The following APOL3 variants were observed in gnomAD, a reference collection of about 807,000 sequenced individuals.
APOL3 encodes the protein apolipoprotein L3.
Under a neutral mutation model 11.6 loss-of-function variants are expected in APOL3, and 14 were observed. That is an observed-to-expected ratio of 1.21 (90% CI 0.80 to 1.89). The LOEUF is 1.89. APOL3 is among the 40% of genes most tolerant of loss of function. The pLI, the probability that APOL3 is intolerant of heterozygous loss-of-function variation, is 0.00. For synonymous variants in APOL3, 192 were observed against 190.6 expected, an observed-to-expected ratio of 1.01 and a Z score of -0.06; for missense variants, 483 against 492.1, an observed-to-expected ratio of 0.98 and a Z score of 0.17.
chr22:36,162,454 T>C (rs553955608), upstream of APOL3, among the ~76,000 whole-genome samples: 4 of 152,308 alleles, frequency 2.6e-5, no homozygotes, highest in South Asian at 4.2e-4. Context: ...CTGTGAAAAT[T>C]ATGGGTAAAA....
At chr22:36,165,051 T>C (rs1004375816), upstream of APOL3, 6 of 152,242 alleles carry the variant, frequency 3.9e-5, no homozygotes, top group East Asian at 7.7e-4. Flanking sequence ...TAAACGGGGA[T>C]TTGGCCCTAG....
At chr22:36,140,654 T>A (rs796505948) in exon 3 of APOL3, 11 of 155,164 alleles carry the variant, frequency 7.1e-5, no homozygotes, top group African/African-American at 2.6e-4. Flanking sequence ...ACCGCCATCA[T>A]CAAGAAGCCA....
At chr22:36,161,009 T>C, upstream of APOL3, 2 of 898,256 alleles carry the variant, frequency 2.2e-6, no homozygotes, top group Non-Finnish European at 3.4e-6. Context: ...TGCTGTGTCT[T>C]CAGGAAGAAA....
At chr22:36,150,670 A>G (rs1481471063) in intron 1 of APOL3, among the ~76,000 whole-genome samples, 1 of 152,210 alleles carries the variant, frequency 6.6e-6, no homozygotes, top group Non-Finnish European at 1.5e-5. Flanking sequence ...GGAGATCAAG[A>G]CCATGCTGGC....
intron 1 of APOL3, chr22:36,156,858 C>T (rs986031267): frequency 2.0e-5 from 9 of 440,970 alleles, no homozygotes; most frequent in Admixed American, 1.4e-4. Context: ...GTGGCCTCTG[C>T]CCTCCGTGGC....
chr22:36,141,896 A>C, exon 3 of APOL3: 2 of 1,614,234 alleles, frequency 1.2e-6, no homozygotes, highest in Non-Finnish European at 1.7e-6. Context: ...TTGCAAGGGC[A>C]CGAAGCTTTT....
chr22:36,147,270 G>A (rs561466086), intron 1 of APOL3, among the ~76,000 whole-genome samples: 1 of 152,298 alleles, frequency 6.6e-6, no homozygotes, highest in South Asian at 2.1e-4. Flanking sequence ...ATGGGCAGTG[G>A]AGGGGGTTCT....
chr22:36,159,680 C>T (rs1348993103), intron 1 of APOL3: 1 of 152,176 alleles, frequency 6.6e-6, no homozygotes, highest in African/African-American at 2.4e-5. Context: ...CACCCAGAGG[C>T]CTGAAAAGGA....
chr22:36,143,285 A>C (rs2146740480), intron 2 of APOL3, among the ~76,000 whole-genome samples: 1 of 152,334 alleles, frequency 6.6e-6, no homozygotes, highest in East Asian at 1.9e-4. Flanking sequence ...GAAGCTTCAC[A>C]CCTGAAACCC....
chr22:36,149,447 C>T, intron 1 of APOL3: 1 of 1,238,486 alleles, frequency 8.1e-7, no homozygotes, highest in Non-Finnish European at 1.1e-6. Context: ...AGAGTCTATA[C>T]ACCGAAATAG....
At chr22:36,142,874 G>A (rs2146735732) in intron 2 of APOL3, among the ~76,000 whole-genome samples, 1 of 152,338 alleles carries the variant, frequency 6.6e-6, no homozygotes, top group South Asian at 2.1e-4. Flanking sequence ...TACTGCCCCA[G>A]TTCAGCAAGA....
At chr22:36,149,778 T>C (rs132644) in intron 1 of APOL3, 359,728 of 453,994 alleles carry the variant, frequency 0.79, 148,809 homozygotes, top group East Asian at 0.99. Context: ...TACATGCTTA[T>C]TGTAAATGAC....
intron 2 of APOL3, among the ~76,000 whole-genome samples, chr22:36,144,116 T>C (rs1441720266): frequency 6.6e-6 from 1 of 152,142 alleles, no homozygotes; most frequent in Non-Finnish European, 1.5e-5. Context: ...CAGTCACCCA[T>C]GGCCCACTAT....
At chr22:36,146,448 T>C (rs1476424066) in intron 1 of APOL3, 4 of 152,148 alleles carry the variant, frequency 2.6e-5, no homozygotes, top group Non-Finnish European at 5.9e-5. Flanking sequence ...AAATAGTTCA[T>C]TTTGTCAAGA....
intron 2 of APOL3, among the ~76,000 whole-genome samples, chr22:36,142,474 T>C (rs1310557719): frequency 6.6e-6 from 1 of 152,146 alleles, no homozygotes; most frequent in Non-Finnish European, 1.5e-5. Flanking sequence ...TTAACTTTAT[T>C]AGAAGAGAGG....
intron 2 of APOL3, among the ~76,000 whole-genome samples, chr22:36,142,977 T>C (rs2060056390): frequency 6.6e-6 from 1 of 152,168 alleles, no homozygotes; most frequent in African/African-American, 2.4e-5. Context: ...TTACCTGCCT[T>C]TAGTTGAGCA....
rs1453603644 is a variant in APOL3 at position 36,141,950 on chromosome 22, C to T, written c.459G>A (p.Leu153=). Residue 153 remains leucine (L), a synonymous_variant, in exon 3 of 3, where the codon TTG becomes TTA. Coordinates refer to ENST00000349314, the Ensembl canonical transcript of APOL3. ...TCCTCTTGACTTGGGGAAACTCTTT[C>T]AAAAACCATTCCCTAAACTGCTCAT... is the stretch of plus-strand genomic sequence containing the variant. 3 of 1,614,096 alleles carry T rather than the reference C, an allele frequency of 1.9e-6. No homozygotes were observed. The East Asian group carries it at 6.7e-5, about 36-fold the overall frequency.
At position 36,141,279 on chromosome 22, in the gene APOL3, C is replaced by T. The variant is rs145559179; in HGVS notation, c.1130G>A (p.Arg377Gln). ...ATTCTCCTCCAGCTCCTGAGCCTGC[C>T]GCCTCAGCTCCTCAGCAGATGCAGA... The change falls in exon 3 of 3, where the codon CGG becomes CAG. Residue 377 changes from arginine (R) to glutamine (Q), a missense_variant. Arg to Gln is a conservative substitution (Grantham distance 43). Transcript: ENST00000349314. 1.8e-3 allele frequency: 2,896 copies of T among 1,614,158 alleles called. 9 individuals are homozygous for T. Among genetic ancestry groups the T allele is most frequent in the Non-Finnish European group, 2.1e-3 (2,461 of 1,180,036 alleles).
chr22:36,158,615 C>T (rs553145170), intron 1 of APOL3, among the ~76,000 whole-genome samples: 3 of 152,198 alleles, frequency 2.0e-5, no homozygotes, highest in East Asian at 1.9e-4. Context: ...GTCAGGAGAT[C>T]GAGAACATCC....
Sources: allele counts gnomAD v4.1 joint callset (sites outside exome capture counted in the v4.1 genomes callset), GRCh38; gene constraint gnomAD v4.1.1; transcripts MANE v1.5; gene names NCBI Gene and HGNC (gene_info 2026-07-23, HGNC 2026-07-21).